The following DLGAP1 variants were observed in gnomAD, a reference collection of about 807,000 sequenced individuals.
The protein encoded by DLGAP1 is disks large-associated protein 1.
DLGAP1 carries 11 observed loss-of-function variants against 90.8 expected under a neutral mutation model. The ratio of observed to expected loss-of-function variants is 0.12; its 90% CI spans 0.08 to 0.20. DLGAP1 has a LOEUF of 0.20. Among genes scored for constraint, DLGAP1 ranks in the 10% least tolerant of loss-of-function variants. DLGAP1 has a pLI of 1.00. For synonymous variants in DLGAP1, 558 were observed against 540.7 expected (o/e 1.03, Z -0.44); for missense variants, 1,050 against 1,333.8 (o/e 0.79, Z 3.31).
rs2052658103 is a variant in DLGAP1, at chr18:3,540,932, T to A, written c.2058-6317A>T. ...GGGCCCAGCATGCTGCCAGCCTCTT[T>A]TTAGCACCAGCTGGGCAGGTGCTAA... On this transcript the variant is annotated intron_variant, in intron 9 of 12. Coordinates refer to ENST00000315677, the MANE Select transcript of DLGAP1 (RefSeq NM_004746.4). Among the ~76,000 whole-genome samples, 3 of 152,200 alleles carry A rather than the reference T, an allele frequency of 2.0e-5. No individual in the cohort carries two copies. The South Asian group carries it at 6.2e-4, about 32-fold the overall frequency.
chr18:3,544,215 C>A (rs549896796), intron 9 of DLGAP1, among the ~76,000 whole-genome samples: 101 of 152,176 alleles, frequency 6.6e-4, no homozygotes, highest in Admixed American at 2.6e-3. Context: ...CATGGCGAAA[C>A]CTGTCTCTAC....
chr18:3,677,591 C>A (rs1421770412), intron 7 of DLGAP1, among the ~76,000 whole-genome samples: 1 of 152,230 alleles, frequency 6.6e-6, no homozygotes, highest in Non-Finnish European at 1.5e-5. Context: ...ATGTTTCTAG[C>A]GTGCCTATGA....
chr18:4,220,971 T>C (rs1416642338), intron 1 of DLGAP1, among the ~76,000 whole-genome samples: 1 of 152,150 alleles, frequency 6.6e-6, no homozygotes, highest in Non-Finnish European at 1.5e-5. Flanking sequence ...TTTACCACTA[T>C]GTTATAATTA....
At chr18:4,420,093 T>C (rs1001053068) in intron 1 of DLGAP1, among the ~76,000 whole-genome samples, 3 of 152,126 alleles carry the variant, frequency 2.0e-5, no homozygotes, top group Non-Finnish European at 4.4e-5. Flanking sequence ...TTATCAGTGA[T>C]AAATAAGGAT....
chr18:3,571,357 C>T (rs570273398), intron 8 of DLGAP1: 1 of 151,892 alleles, frequency 6.6e-6, no homozygotes, highest in Non-Finnish European at 1.5e-5. Context: ...AACTGATGGT[C>T]CCCTGCCCCT....
chr18:4,030,786 G>A (rs1424952217), intron 2 of DLGAP1, among the ~76,000 whole-genome samples: 4 of 152,164 alleles, frequency 2.6e-5, no homozygotes, highest in African/African-American at 7.2e-5. Flanking sequence ...CCTGGGTATG[G>A]TGGCATGTGC....
At chr18:4,373,376 A>T (rs963145180) in intron 1 of DLGAP1, among the ~76,000 whole-genome samples, 1 of 152,160 alleles carries the variant, frequency 6.6e-6, no homozygotes, top group Admixed American at 6.5e-5. Flanking sequence ...TGGGCAATGG[A>T]GGTGAGAAAA....
intron 1 of DLGAP1, among the ~76,000 whole-genome samples, chr18:4,353,814 G>T (rs183399882): frequency 1.3e-5 from 2 of 151,966 alleles, no homozygotes; most frequent in Non-Finnish European, 2.9e-5. Flanking sequence ...TTAGTGTTGG[G>T]CTAATCAGTT....
chr18:3,753,939 T>G (rs2063604857), intron 5 of DLGAP1, among the ~76,000 whole-genome samples: 1 of 152,214 alleles, frequency 6.6e-6, no homozygotes, highest in South Asian at 2.1e-4. Context: ...CTGGAGACGC[T>G]CAAGTCCCTT....
intron 3 of DLGAP1, among the ~76,000 whole-genome samples, chr18:3,927,792 A>C (rs1407064504): frequency 6.6e-6 from 1 of 151,772 alleles, no homozygotes; most frequent in African/African-American, 2.4e-5. Context: ...TACATTTTAC[A>C]TTATGTCATT....
At chr18:4,077,675 C>T (rs189284208) in intron 2 of DLGAP1, among the ~76,000 whole-genome samples, 1 of 152,262 alleles carries the variant, frequency 6.6e-6, no homozygotes, top group East Asian at 1.9e-4. Context: ...TGGCCATCAC[C>T]AGATGCAGAT....
At chr18:3,657,899 C>T (rs1045378458) in intron 7 of DLGAP1, among the ~76,000 whole-genome samples, 6 of 152,156 alleles carry the variant, frequency 3.9e-5, no homozygotes, top group Middle Eastern at 3.4e-3. Context: ...CCACCGCGCC[C>T]GGCTCCCATG....
At chr18:4,237,321 T>C (rs969067695) in intron 1 of DLGAP1, among the ~76,000 whole-genome samples, 15 of 152,186 alleles carry the variant, frequency 9.9e-5, no homozygotes, top group African/African-American at 3.6e-4. Flanking sequence ...TAGTTCTTTT[T>C]GGGGAATTTC....
chr18:4,337,925 C>CCATATTTTTT (rs2081107978), intron 1 of DLGAP1, among the ~76,000 whole-genome samples: 1 of 152,010 alleles, frequency 6.6e-6, no homozygotes, highest in African/African-American at 2.4e-5. Flanking sequence ...TCCATATTGT[C>CCATATTTTTT]TCAACATTTC....
At chr18:3,895,436 A>G (rs2071597610) in intron 3 of DLGAP1, among the ~76,000 whole-genome samples, 2 of 152,128 alleles carry the variant, frequency 1.3e-5, no homozygotes, top group African/African-American at 2.4e-5. Flanking sequence ...AAATATGTCA[A>G]TATGCTTTTT....
chr18:4,126,968 C>G (rs1294488610), intron 2 of DLGAP1, among the ~76,000 whole-genome samples: 1 of 152,212 alleles, frequency 6.6e-6, no homozygotes, highest in African/African-American at 2.4e-5. Context: ...GAATTTCCTT[C>G]ACTTCATTTA....
chr18:4,118,066 G>A (rs574463699), intron 2 of DLGAP1, among the ~76,000 whole-genome samples: 1 of 152,032 alleles, frequency 6.6e-6, no homozygotes, highest in East Asian at 1.9e-4. Flanking sequence ...ATTGTACCCT[G>A]TTACACTTCT....
chr18:3,521,284 AT>A (rs1166390606), intron 10 of DLGAP1, among the ~76,000 whole-genome samples: 2 of 152,164 alleles, frequency 1.3e-5, no homozygotes, highest in Non-Finnish European at 2.9e-5. Flanking sequence ...ATTGGGTTTC[AT>A]TAAGGGAACT....
chr18:4,147,633 T>A (rs766795606), intron 2 of DLGAP1, among the ~76,000 whole-genome samples: 19 of 148,770 alleles, frequency 1.3e-4, no homozygotes, highest in Non-Finnish European at 2.5e-4. Context: ...ATCCATCCTT[T>A]ATCCATCCAA....
Sources: gnomAD v4.1 joint callset for allele counts (sites outside exome capture counted in the v4.1 genomes callset) on GRCh38, gnomAD v4.1.1 for gene constraint, MANE v1.5 for transcripts, NCBI Gene and HGNC (gene_info 2026-07-23, HGNC 2026-07-21) for gene names.